Variants in DLAT observed in about 807,000 individuals in gnomAD.
DLAT encodes dihydrolipoamide S-acetyltransferase.
In DLAT, 43 loss-of-function variants were observed where a neutral mutation model predicts 68.0. The observed-to-expected ratio is 0.63, with a 90% CI of 0.50 to 0.81. The LOEUF (loss-of-function observed/expected upper bound fraction) is 0.81. Ranked by LOEUF, DLAT falls within the 40% of genes least tolerant of loss-of-function variation. The pLI is 0.00. For missense variants in DLAT, 745 were observed against 815.4 expected, an observed-to-expected ratio of 0.91 and a Z score of 1.05; for synonymous variants, 265 against 288.6, an observed-to-expected ratio of 0.92 and a Z score of 0.83.
rs782473772 is a variant in DLAT, at chr11:112,025,742, G to T, written c.270G>T (p.Pro90=). 3.7e-6 allele frequency: 6 copies of T among 1,613,212 alleles called. No individual in the cohort carries two copies. The highest frequency in any genetic ancestry group is 5.1e-6 in the Non-Finnish European group (6 of 1,179,966). ...SPGRRYYSLP[P]HQKVPLPSLS... is the part of the protein sequence containing the mutation. ...GCCGCCGCTATTACAGTCTTCCCCC[G>T]CATCAGAAGGTGAGCCCTAGACCCC... The change falls in exon 1 of 14, where the codon CCG becomes CCT. Residue 90 remains proline (P), a synonymous_variant. Transcript: ENST00000280346.
At chr11:112,060,541 G>A (rs1326751770) in intron 12 of DLAT, among the ~76,000 whole-genome samples, 1 of 151,944 alleles carries the variant, frequency 6.6e-6, no homozygotes, top group Non-Finnish European at 1.5e-5. Context: ...TGCAACCTCC[G>A]CCTCCCAGGT....
intron 6 of DLAT, among the ~76,000 whole-genome samples, chr11:112,038,741 G>A (rs1470071794): frequency 6.6e-6 from 1 of 151,794 alleles, no homozygotes; most frequent in Non-Finnish European, 1.5e-5. Flanking sequence ...AGCTACTTGG[G>A]AGGCTGAGGC....
intron 4 of DLAT, among the ~76,000 whole-genome samples, chr11:112,031,478 A>G (rs10789858): frequency 0.4 from 60,497 of 151,714 alleles, 12,292 homozygotes; most frequent in East Asian, 0.58. Context: ...GTGCAGTGGC[A>G]TGATTTCGGC....
At position 112,026,297 on chromosome 11, in the gene DLAT, G is replaced by A. The variant is rs1555179248; in HGVS notation, c.379G>A (p.Glu127Lys). Residue 127 changes from glutamate to lysine, a missense_variant and splice_region_variant, in exon 2 of 14, where the codon GAG becomes AAG. Transcript: ENST00000280346. The part of the protein sequence containing the change: ...DKINEGDLIA[E>K]VETDKATVGF... ...AATCAATGAAGGTGACCTAATTGCA[G>A]AGGTAAGTTTTTTTTTTTTTTTTTA... 2.0e-6 allele frequency: 3 copies of A among 1,474,598 alleles called. No individual in the cohort carries two copies. Among genetic ancestry groups the A allele is most frequent in the Non-Finnish European group, 2.7e-6 (3 of 1,100,122 alleles). The allele number at this position is 1,474,598 out of a possible 1,614,324, so 91.3% of individuals were successfully genotyped here. A position where few individuals can be genotyped will look rare whatever the true frequency, so the allele number is the denominator to read the frequency against.
At chr11:112,042,132 A>G (rs1341307745) in intron 7 of DLAT, among the ~76,000 whole-genome samples, 1 of 152,238 alleles carries the variant, frequency 6.6e-6, no homozygotes, top group Admixed American at 6.5e-5. Flanking sequence ...TATATAGTTT[A>G]TGTTTGACAA....
In DLAT at chr11:112,043,469, C is replaced by A; in HGVS notation, c.1133C>A (p.Thr378Lys). 6.2e-7 allele frequency: 1 copy of A among 1,613,950 alleles called. No individual in the cohort carries two copies. Among genetic ancestry groups the A allele is most frequent in the Non-Finnish European group, 8.5e-7 (1 of 1,179,862 alleles). Residue 378 changes from threonine to lysine, a missense_variant, in exon 8 of 14, where the codon ACA (threonine) becomes AAA (lysine). Physicochemically the swap from Thr to Lys is moderately conservative, Grantham distance 78. Transcript: ENST00000280346. ...KGIDLTQVKG[T>K]GPDGRITKKD... ...GTGATATTTATGTCTCTTACAGGGACAGGACCAGATGGTAGAATCACCAAG... is the reference window on the plus strand; with the variant it reads ...GTGATATTTATGTCTCTTACAGGGAAAGGACCAGATGGTAGAATCACCAAG...
In DLAT at chr11:112,027,893, AGAGAGGGAGAGGGAGACCGTGGG is replaced by A. The variant is rs1249026000; in HGVS notation, c.382-604_382-582del. Among the ~76,000 whole-genome samples the A allele has an allele frequency of 4.5e-3, 683 of 150,284 alleles. 2 individuals carry two copies. The highest frequency in any genetic ancestry group is 6.5e-3 in the African/African-American group (268 of 41,014). Reference sequence around the variant, plus strand: ...TCAGCATCAGAGGGAGACCGTGGAAAGAGAGGGAGAGGGAGACCGTGGGGAGAGGGAGAGGGAGACGGAGAGGG... The same window carrying A: ...TCAGCATCAGAGGGAGACCGTGGAAAGAGAGGGAGAGGGAGACGGAGAGGG... On this transcript the variant is annotated intron_variant, in intron 2 of 13. Transcript: ENST00000280346.
At position 112,038,283 on chromosome 11, in the gene DLAT, A is replaced by G. The variant is rs976218141; in HGVS notation, c.975+823A>G. Among the ~76,000 whole-genome samples, 12 of 151,868 alleles carry G rather than the reference A, an allele frequency of 7.9e-5. 1 individual carries two copies. The highest frequency in any genetic ancestry group is 2.7e-4 in the African/African-American group (11 of 41,366). ...GCGTGATCTTGGCTCACTGCAGCCT[A>G]TGCCTCCCGGGTTCAAGCAATTCTC... On this transcript the variant is annotated intron_variant, in intron 6 of 13. Coordinates refer to ENST00000280346, the MANE Select transcript of DLAT (RefSeq NM_001931.5).
rs779090976 is a variant in DLAT at position 112,036,243 on chromosome 11, C to T, written c.788-1030C>T. 0.01 allele frequency among the ~76,000 whole-genome samples: 793 copies of T among 77,014 alleles called. 5 individuals are homozygous for T. The Middle Eastern group carries it at 0.11, about 11-fold the overall frequency. The allele number at this position is 77,014 out of a possible 152,430, so 50.5% of individuals were successfully genotyped here. A position where few individuals can be genotyped will look rare whatever the true frequency, so the allele number is the denominator to read the frequency against. The stretch of plus-strand genomic sequence containing the variant: ...TTTTTTTTTTTTTGAGACGGAGTTT[C>T]GCTCTTGTTGCCCAGGCTGGAGTGC... On this transcript the variant is annotated intron_variant, in intron 5 of 13. Transcript: ENST00000280346.
intron 5 of DLAT, among the ~76,000 whole-genome samples, chr11:112,036,191 GTGTGTGTGTGTTTTTTTTT>G (rs1862739879): frequency 2.7e-5 from 2 of 73,404 alleles, no homozygotes; most frequent in Non-Finnish European, 5.3e-5. Flanking sequence ...GTGTGTGTGT[GTGTGTGTGTGTTTTTTTTT>G]TTTTTTTTTT....
rs987533426 is a variant in DLAT, at chr11:112,046,833, G to A, written c.1398+863G>A. Among the ~76,000 whole-genome samples the A allele has an allele frequency of 1.1e-4, 16 of 152,238 alleles. No homozygotes were observed. In the East Asian group the frequency reaches 2.3e-3, roughly 22 times the overall value. Reference sequence around the variant, plus strand: ...TTATGGCTGCATAGTATTCCATGGTGTGTATGTGCCACATTTTCTTTATCC... The same window carrying A: ...TTATGGCTGCATAGTATTCCATGGTATGTATGTGCCACATTTTCTTTATCC... On this transcript the variant is annotated intron_variant, in intron 10 of 13. Coordinates refer to ENST00000280346, the MANE Select transcript of DLAT (RefSeq NM_001931.5).
chr11:112,036,213 T>G (rs1364654787), intron 5 of DLAT, among the ~76,000 whole-genome samples: 168 of 99,600 alleles, frequency 1.7e-3, no homozygotes, highest in African/African-American at 6.8e-3. Context: ...TTTTTTTTTT[T>G]TTTTTTTTTT....
Position 112,061,020 on chromosome 11 carries a change from T to C in DLAT, c.1678-18T>C. ...ATGTTGACAAACTATAATTTATTTT[T>C]AATTTTTTTTCCTCTAGGGTGGCAC... is the stretch of plus-strand genomic sequence containing the variant. On this transcript the variant is annotated intron_variant, in intron 12 of 13. Coordinates refer to ENST00000280346, the MANE Select transcript of DLAT (RefSeq NM_001931.5). The C allele has an allele frequency of 6.5e-7, 1 of 1,547,632 alleles. No homozygotes were observed. Among genetic ancestry groups the C allele is most frequent in the Non-Finnish European group, 8.7e-7 (1 of 1,142,952 alleles).
chr11:112,037,335 G>A lies in DLAT; in HGVS notation c.850G>A (p.Val284Ile). 6.2e-7 allele frequency: 1 copy of A among 1,614,150 alleles called. No homozygotes were observed. Among genetic ancestry groups the A allele is most frequent in the Non-Finnish European group, 8.5e-7 (1 of 1,180,012 alleles). Residue 284 changes from valine to isoleucine, a missense_variant, in exon 6 of 14, where the codon GTC (valine) becomes ATC (isoleucine). Physicochemically the swap from Val to Ile is conservative, Grantham distance 29. Transcript: ENST00000280346. ...CCTGGTCCCTGAAGGCACAAGAGAT[G>A]TCCCTCTAGGAACCCCACTCTGTAT... ...KILVPEGTRD[V>I]PLGTPLCIIV...
intron 7 of DLAT, 104 bp downstream of exon 7, chr11:112,039,501 G>A (rs1862945539): frequency 6.8e-6 from 8 of 1,170,234 alleles, no homozygotes; most frequent in Non-Finnish European, 1.0e-5. Context: ...TTATAATTGG[G>A]ATAGTAGGGA....
chr11:112,061,370 TATAATA>T, intron 13 of DLAT, 196 bp downstream of exon 13: 1 of 604,500 alleles, frequency 1.7e-6, no homozygotes, highest in Non-Finnish European at 2.9e-6. Context: ...ATTCTTGACT[TATAATA>T]ATACAATACC....
chr11:112,033,524 A>G lies in DLAT; in HGVS notation c.781A>G (p.Thr261Ala), dbSNP rs1555180137. Residue 261 changes from threonine (T) to alanine (A), a missense_variant, in exon 5 of 14, where the codon ACT (threonine) becomes GCT (alanine). By Grantham distance (58) the Thr-to-Ala change is moderately conservative. Transcript: ENST00000280346. ...LLAEIETDKA[T>A]IGFEVQEEGY... ...GGCAGAGATAGAAACTGACAAAGCC[A>G]CTATAGGTGAGATTTCTTCAGCTCT... 1.9e-6 allele frequency: 3 copies of G among 1,613,734 alleles called. No individual in the cohort carries two copies. The highest frequency in any genetic ancestry group is 2.5e-6 in the Non-Finnish European group (3 of 1,179,800).
At chr11:112,048,590 G>A (rs1863448839) in intron 10 of DLAT, among the ~76,000 whole-genome samples, 1 of 152,172 alleles carries the variant, frequency 6.6e-6, no homozygotes, top group South Asian at 2.1e-4. Flanking sequence ...CTGGGGTGCA[G>A]TGGCGTGATC....
intron 5 of DLAT, among the ~76,000 whole-genome samples, chr11:112,034,568 G>A (rs1451909398): frequency 4.0e-5 from 6 of 151,226 alleles, no homozygotes; most frequent in Non-Finnish European, 7.4e-5. Flanking sequence ...TCAGCCTCCC[G>A]AGTAGCTGGG....
Sources: allele counts gnomAD v4.1 joint callset (sites outside exome capture counted in the v4.1 genomes callset), GRCh38; gene constraint gnomAD v4.1.1; transcripts MANE v1.5; gene names NCBI Gene and HGNC (gene_info 2026-07-23, HGNC 2026-07-21).